Variants in KLHDC4 observed in about 807,000 individuals in gnomAD.
KLHDC4 encodes the protein kelch domain containing 4.
KLHDC4 carries 90 observed loss-of-function variants against 62.4 expected under a neutral mutation model. The ratio of observed to expected loss-of-function variants is 1.44; its 90% CI spans 1.22 to 1.72. KLHDC4 has a LOEUF of 1.72. KLHDC4 is among the 40% of genes most tolerant of loss of function. The probability of loss-of-function intolerance (pLI) is 0.00; values close to 1 mark genes in which losing one functional copy is unlikely to be tolerated. For synonymous variants in KLHDC4, 386 were observed against 284.4 expected (o/e 1.36, Z -3.59); for missense variants, 1,025 against 699.7 (o/e 1.47, Z -5.25).
At chr16:87,755,455 G>C in intron 3 of KLHDC4, 163 bp from the exon 4 acceptor site, 1 of 509,056 alleles carries the variant, frequency 2.0e-6, no homozygotes, top group Non-Finnish European at 3.6e-6. Flanking sequence ...GGGCCATTGG[G>C]GATGACGACA....
intron 10 of KLHDC4, 29 bp from the exon 11 acceptor site, chr16:87,708,495 C>CGTCA (rs1567645759): frequency 3.2e-6 from 5 of 1,546,612 alleles, no homozygotes; most frequent in African/African-American, 1.4e-5. Context: ...CGCACATACA[C>CGTCA]GTCAGCGCAG....
In KLHDC4 at chr16:87,719,282, CAA is replaced by C. The variant is rs1345714073; in HGVS notation, c.760-4711_760-4710del. ...ATCAGATTGTTACTGTGTCTGTGTGCAAAGAGGTAGACATGGGAGACTCCATT... is the reference window on the plus strand; with the variant it reads ...ATCAGATTGTTACTGTGTCTGTGTGCAGAGGTAGACATGGGAGACTCCATT... On this transcript the variant is annotated intron_variant, in intron 7 of 11. Coordinates refer to ENST00000270583, the MANE Select transcript of KLHDC4 (RefSeq NM_017566.4). Among the ~76,000 whole-genome samples, 12 of 152,334 alleles carry C rather than the reference CAA, an allele frequency of 7.9e-5. No homozygotes were observed. The East Asian group carries it at 2.3e-3, about 29-fold the overall frequency.
intron 2 of KLHDC4, 95 bp from the exon 3 acceptor site, chr16:87,756,572 T>C: frequency 1.1e-6 from 1 of 878,452 alleles, no homozygotes; most frequent in Non-Finnish European, 1.9e-6. Flanking sequence ...CACCACAAAC[T>C]GGCTGCCTCT....
At chr16:87,711,538 A>G in intron 8 of KLHDC4, 95 bp from the exon 9 acceptor site, 1 of 1,041,968 alleles carries the variant, frequency 9.6e-7, no homozygotes, top group South Asian at 1.7e-5. Context: ...GCCCCCCAGA[A>G]TGGGGTAAAT....
chr16:87,710,909 T>G, intron 9 of KLHDC4: 2 of 294,058 alleles, frequency 6.8e-6, no homozygotes. Context: ...AGCTCAAGGG[T>G]CATAACACAG....
chr16:87,748,324 T>A (rs1257775472), intron 5 of KLHDC4, among the ~76,000 whole-genome samples: 1 of 152,190 alleles, frequency 6.6e-6, no homozygotes, highest in South Asian at 2.1e-4. Flanking sequence ...CACATCGCTA[T>A]GGGGCCCCCC....
chr16:87,748,999 AC>A (rs1418165084), intron 4 of KLHDC4, among the ~76,000 whole-genome samples, 190 bp from the exon 5 acceptor site: 1 of 149,480 alleles, frequency 6.7e-6, no homozygotes, highest in East Asian at 2.0e-4. Flanking sequence ...GTAGGAAAGC[AC>A]GTCCTCAGTC....
At chr16:87,749,010 C>G (rs566839845) in intron 4 of KLHDC4, among the ~76,000 whole-genome samples, 31 of 150,266 alleles carry the variant, frequency 2.1e-4, no homozygotes, top group African/African-American at 7.1e-4. Context: ...CGTCCTCAGT[C>G]AAGGGTCTAA....
intron 9 of KLHDC4, chr16:87,709,871 G>A (rs1319202625): frequency 3.2e-6 from 2 of 623,440 alleles, no homozygotes; most frequent in Non-Finnish European, 5.5e-6. Flanking sequence ...TAGCCTCGCC[G>A]TTCACTCCTG....
downstream of KLHDC4, among the ~76,000 whole-genome samples, chr16:87,707,182 G>T (rs1236060813): frequency 2.6e-5 from 4 of 152,238 alleles, no homozygotes; most frequent in African/African-American, 9.6e-5. Flanking sequence ...ACTGGAGCAG[G>T]CCTAGGTTGG....
In KLHDC4 at chr16:87,708,047, C is replaced by T. The variant is rs1040359692; in HGVS notation, c.*30G>A. ...GTCCTGGGCGGACGTGGGCACAGCA[C>T]TTGCCAGGCGCCCCTGGCAGGGGCT... is the stretch of plus-strand genomic sequence containing the variant. On this transcript the variant is annotated 3_prime_UTR_variant, in exon 12 of 12. Coordinates refer to ENST00000270583, the MANE Select transcript of KLHDC4 (RefSeq NM_017566.4). 1 of 534,302 alleles carries T rather than the reference C, an allele frequency of 1.9e-6. No individual in the cohort carries two copies. Among genetic ancestry groups the T allele is most frequent in the African/African-American group, 1.9e-5 (1 of 53,160 alleles). 33.1% of individuals were successfully genotyped at this position (534,302 alleles called of 1,614,324 possible). A position where few individuals can be genotyped will look rare whatever the true frequency, so the allele number is the denominator to read the frequency against.
At chr16:87,707,009 T>C (rs1164165535), downstream of KLHDC4, among the ~76,000 whole-genome samples, 1 of 152,186 alleles carries the variant, frequency 6.6e-6, no homozygotes, top group Non-Finnish European at 1.5e-5. Context: ...AGATAAGAAA[T>C]GGGACCATAG....
intron 5 of KLHDC4, among the ~76,000 whole-genome samples, chr16:87,746,246 G>C (rs1247186305): frequency 1.3e-5 from 2 of 151,838 alleles, no homozygotes. Flanking sequence ...TTCCAGCCTG[G>C]GCAACAGAGT....
chr16:87,738,719 A>C (rs2041788188), intron 5 of KLHDC4, among the ~76,000 whole-genome samples: 1 of 112,336 alleles, frequency 8.9e-6, no homozygotes, highest in African/African-American at 3.6e-5. Context: ...ATCCACCCAC[A>C]CACCAGCACC....
chr16:87,721,340 G>A (rs1370215058), intron 7 of KLHDC4, among the ~76,000 whole-genome samples: 1 of 151,592 alleles, frequency 6.6e-6, no homozygotes, highest in African/African-American at 2.4e-5. Flanking sequence ...CGTGAACCCG[G>A]TGGGTGGAGC....
At chr16:87,699,696 C>G (rs1162521125) in exon 1 of KLHDC4, 1 of 152,300 alleles carries the variant, frequency 6.6e-6, no homozygotes, top group African/African-American at 2.4e-5. Context: ...GAGTCTGTCT[C>G]AAAAACAAGA....
chr16:87,754,294 C>A (rs559559056), intron 4 of KLHDC4, among the ~76,000 whole-genome samples: 1 of 151,170 alleles, frequency 6.6e-6, no homozygotes, highest in African/African-American at 2.4e-5. Context: ...TGCAATGAGC[C>A]GAAATCAGGC....
At chr16:87,730,819 A>G in intron 5 of KLHDC4, 175 bp from the exon 6 acceptor site, 1 of 558,100 alleles carries the variant, frequency 1.8e-6, no homozygotes, top group Non-Finnish European at 3.1e-6. Context: ...CCATCCTGCT[A>G]AGAGCCCAGC....
At chr16:87,759,803 C>G (rs1336274797) in intron 2 of KLHDC4, among the ~76,000 whole-genome samples, 1 of 152,122 alleles carries the variant, frequency 6.6e-6, no homozygotes, top group Non-Finnish European at 1.5e-5. Flanking sequence ...TCACTGAATA[C>G]CTATTGATTT....
Sources: allele counts gnomAD v4.1 joint callset (sites outside exome capture counted in the v4.1 genomes callset), GRCh38; gene constraint gnomAD v4.1.1; transcripts MANE v1.5; gene names NCBI Gene and HGNC (gene_info 2026-07-23, HGNC 2026-07-21).